The following CACNA2D3 variants were observed in gnomAD, a reference collection of about 807,000 sequenced individuals.
CACNA2D3 encodes the protein calcium voltage-gated channel auxiliary subunit alpha2delta 3, also known as voltage-dependent calcium channel subunit alpha-2/delta-3.
A neutral mutation model predicts 160.6 loss-of-function variants in CACNA2D3; 60 were observed. That is an observed-to-expected ratio of 0.37 (90% CI 0.30 to 0.46). CACNA2D3 has a LOEUF of 0.46. Among genes scored for constraint, CACNA2D3 ranks in the 20% least tolerant of loss-of-function variants. The pLI is 1.00. For synonymous variants in CACNA2D3, 558 were observed against 492.9 expected (o/e 1.13, Z -1.75); for missense variants, 1,205 against 1,365.0 (o/e 0.88, Z 1.85).
chr3:54,503,413 T>G, intron 4 of CACNA2D3, 79 bp from the exon 5 acceptor site: 1 of 1,257,904 alleles, frequency 7.9e-7, no homozygotes, highest in Non-Finnish European at 1.2e-6. Context: ...GGATGGCACA[T>G]GGCCTGTGCC....
At chr3:54,541,800 G>A (rs1372040990) in intron 5 of CACNA2D3, among the ~76,000 whole-genome samples, 1 of 152,132 alleles carries the variant, frequency 6.6e-6, no homozygotes, top group Non-Finnish European at 1.5e-5. Context: ...TTGAAGCTAG[G>A]CCCAGACAAG....
At chr3:54,514,716 C>T (rs972216159) in intron 5 of CACNA2D3, among the ~76,000 whole-genome samples, 2 of 151,668 alleles carry the variant, frequency 1.3e-5, no homozygotes, top group African/African-American at 4.8e-5. Flanking sequence ...GGGCAGAGGA[C>T]ACTTAGGCCC....
intron 11 of CACNA2D3, among the ~76,000 whole-genome samples, chr3:54,713,524 C>T (rs541850406): frequency 1.3e-5 from 2 of 152,288 alleles, no homozygotes; most frequent in South Asian, 4.1e-4. Flanking sequence ...AGATAATGGA[C>T]CCTGGAGTTG....
At chr3:54,210,921 TA>T (rs1701360845) in intron 2 of CACNA2D3, among the ~76,000 whole-genome samples, 1 of 152,182 alleles carries the variant, frequency 6.6e-6, no homozygotes, top group South Asian at 2.1e-4. Flanking sequence ...AATGGAGGGA[TA>T]TGTTAACTGG....
At chr3:54,647,468 C>G (rs1034879302) in intron 11 of CACNA2D3, among the ~76,000 whole-genome samples, 4 of 152,242 alleles carry the variant, frequency 2.6e-5, no homozygotes, top group South Asian at 2.1e-4. Flanking sequence ...CCTGGTGAAG[C>G]TAGGAGCTTG....
intron 6 of CACNA2D3, among the ~76,000 whole-genome samples, chr3:54,565,382 AAGGAGAATTTTGGTAAGCATT>A (rs534768145): frequency 3.3e-4 from 50 of 152,228 alleles, no homozygotes; most frequent in African/African-American, 1.2e-3. Context: ...GAGTCCTGGG[AAGGAGAATTTTGGTAAGCATT>A]AGCCTGAAAG....
At chr3:54,387,658 A>AAG (rs1553643352) in intron 4 of CACNA2D3, among the ~76,000 whole-genome samples, 6 of 151,148 alleles carry the variant, frequency 4.0e-5, no homozygotes, top group South Asian at 2.1e-4. Flanking sequence ...TCTCAAATAA[A>AAG]TAAGTAAGTA....
chr3:54,836,238 TTTTG>T lies in CACNA2D3; in HGVS notation c.1399-917_1399-914del, dbSNP rs1297321365. Among the ~76,000 whole-genome samples, 66 of 140,854 alleles carry T rather than the reference TTTTG, an allele frequency of 4.7e-4. 2 individuals carry two copies. Among genetic ancestry groups the T allele is most frequent in the African/African-American group, 1.6e-3 (60 of 38,604 alleles). 92.4% of individuals were successfully genotyped at this position (140,854 alleles called of 152,430 possible). A position where few individuals can be genotyped will look rare whatever the true frequency, so the allele number is the denominator to read the frequency against. On this transcript the variant is annotated intron_variant, in intron 14 of 37. Transcript: ENST00000474759. The stretch of plus-strand genomic sequence containing the variant: ...TCTTTTTTTTTTTCTTTTTTTTTTT[TTTTG>T]TTTTTGTTTTGGGAGAGAGTCTCGC...
chr3:54,293,563 T>TTTTATATA (rs1553783373), intron 2 of CACNA2D3, among the ~76,000 whole-genome samples: 5 of 149,724 alleles, frequency 3.3e-5, no homozygotes, highest in Admixed American at 6.7e-5. Context: ...TAATATTCTA[T>TTTTATATA]TATATATATA....
intron 2 of CACNA2D3, among the ~76,000 whole-genome samples, chr3:54,192,215 T>G (rs1178129946): frequency 6.6e-6 from 1 of 151,964 alleles, no homozygotes; most frequent in Non-Finnish European, 1.5e-5. Context: ...AATGACTGCT[T>G]GGGGGTGGAG....
chr3:54,360,054 T>C (rs1698715923), intron 3 of CACNA2D3, among the ~76,000 whole-genome samples: 1 of 152,228 alleles, frequency 6.6e-6, no homozygotes, highest in South Asian at 2.1e-4. Context: ...GGCCAGGAGT[T>C]AGCAAACTAT....
chr3:55,051,540 G>A (rs1192591233), intron 35 of CACNA2D3, among the ~76,000 whole-genome samples: 2 of 151,844 alleles, frequency 1.3e-5, no homozygotes, highest in Non-Finnish European at 2.9e-5. Flanking sequence ...AGTCTGCAGA[G>A]GTTACTGCTG....
At chr3:54,820,876 C>A (rs1471017428) in intron 14 of CACNA2D3, among the ~76,000 whole-genome samples, 1 of 152,098 alleles carries the variant, frequency 6.6e-6, no homozygotes, top group Admixed American at 6.5e-5. Context: ...ACAAAATAGT[C>A]CCTTTTTCTA....
chr3:54,985,382 G>A (rs1319857469), intron 30 of CACNA2D3, among the ~76,000 whole-genome samples: 1 of 152,136 alleles, frequency 6.6e-6, no homozygotes, highest in Non-Finnish European at 1.5e-5. Flanking sequence ...CAAATTTTCT[G>A]CATTAAAACT....
At chr3:54,958,166 T>C (rs896000858) in intron 27 of CACNA2D3, among the ~76,000 whole-genome samples, 2 of 152,214 alleles carry the variant, frequency 1.3e-5, no homozygotes, top group Non-Finnish European at 1.5e-5. Context: ...AAAATGTCAT[T>C]TAATGTCAAA....
chr3:54,150,240 A>G (rs1700122910), intron 2 of CACNA2D3, among the ~76,000 whole-genome samples: 2 of 152,116 alleles, frequency 1.3e-5, no homozygotes, highest in South Asian at 4.1e-4. Flanking sequence ...CCTGCTGGGA[A>G]CTGAATTTGT....
intron 2 of CACNA2D3, among the ~76,000 whole-genome samples, chr3:54,319,412 G>C (rs1415164526): frequency 6.6e-6 from 1 of 152,130 alleles, no homozygotes; most frequent in Non-Finnish European, 1.5e-5. Context: ...GTAAGAGCTT[G>C]GGGTGAGGAA....
intron 10 of CACNA2D3, among the ~76,000 whole-genome samples, chr3:54,641,085 T>C (rs1392076731): frequency 6.6e-6 from 1 of 152,084 alleles, no homozygotes; most frequent in South Asian, 2.1e-4. Flanking sequence ...TTTAAAGATA[T>C]TTATTCTGAG....
At chr3:54,234,372 G>A (rs1389923664) in intron 2 of CACNA2D3, among the ~76,000 whole-genome samples, 3 of 152,186 alleles carry the variant, frequency 2.0e-5, no homozygotes, top group African/African-American at 7.2e-5. Context: ...TGCTGGTGAG[G>A]TTTTGGAGAA....
Sources: allele counts gnomAD v4.1 joint callset (sites outside exome capture counted in the v4.1 genomes callset), GRCh38; gene constraint gnomAD v4.1.1; transcripts MANE v1.5; gene names NCBI Gene and HGNC (gene_info 2026-07-23, HGNC 2026-07-21).